The following NR2C2 variants were observed in gnomAD, a reference collection of about 807,000 sequenced individuals.
The protein encoded by NR2C2 is nuclear receptor subfamily 2 group C member 2, also known as Nuclear hormone receptor TR4.
NR2C2 carries 6 observed loss-of-function variants against 62.9 expected under a neutral mutation model. The observed-to-expected ratio is 0.10, with a 90% confidence interval of 0.05 to 0.19. NR2C2 has a LOEUF of 0.19. Ranked by LOEUF, NR2C2 falls within the 10% of genes least tolerant of loss-of-function variation. NR2C2 has a pLI of 1.00. For missense variants in NR2C2, 479 were observed against 762.7 expected, an observed-to-expected ratio of 0.63 and a Z score of 4.38; for synonymous variants, 272 against 273.8, an observed-to-expected ratio of 0.99 and a Z score of 0.07.
intron 11 of NR2C2, among the ~76,000 whole-genome samples, chr3:15,036,084 G>A (rs2042095675): frequency 6.6e-6 from 1 of 152,068 alleles, no homozygotes; most frequent in Admixed American, 6.6e-5. Context: ...CAGCTACTCG[G>A]GAGGCTGAGG....
chr3:15,040,166 CAAA>C (rs71268412), intron 13 of NR2C2, among the ~76,000 whole-genome samples: 1 of 138,714 alleles, frequency 7.2e-6, no homozygotes, highest in Non-Finnish European at 1.6e-5. Flanking sequence ...TCTCAAAAAA[CAAA>C]AAAAAAAACA....
chr3:15,019,498 G>A (rs1196939335), intron 4 of NR2C2, among the ~76,000 whole-genome samples: 2 of 152,182 alleles, frequency 1.3e-5, no homozygotes, highest in East Asian at 3.8e-4. Context: ...ATTTACAATG[G>A]CCAAGATGTG....
chr3:14,971,912 G>A (rs1226313425), intron 1 of NR2C2, among the ~76,000 whole-genome samples: 2 of 150,236 alleles, frequency 1.3e-5, no homozygotes, highest in Non-Finnish European at 3.0e-5. Flanking sequence ...AGGTTCAAGC[G>A]ATTCTCCTGC....
intron 7 of NR2C2, among the ~76,000 whole-genome samples, chr3:15,025,354 G>T (rs1379401800): frequency 6.6e-6 from 1 of 152,164 alleles, no homozygotes; most frequent in South Asian, 2.1e-4. Context: ...CTTCTTTCCT[G>T]CACTTGTAAA....
intron 2 of NR2C2, chr3:15,004,515 T>A (rs773958317): frequency 1.8e-5 from 29 of 1,572,622 alleles, no homozygotes; most frequent in Non-Finnish European, 2.3e-5. Flanking sequence ...AATATTGTTA[T>A]TAACTAATCG....
chr3:15,036,439 A>G (rs2042105618), intron 11 of NR2C2, among the ~76,000 whole-genome samples: 1 of 151,924 alleles, frequency 6.6e-6, no homozygotes, highest in Non-Finnish European at 1.5e-5. Context: ...CCAGGATTCG[A>G]AGTAACACTG....
Position 15,043,055 on chromosome 3 carries a change from G to C in NR2C2, c.*47G>C. 1 of 1,523,436 alleles carries C rather than the reference G, an allele frequency of 6.6e-7. No individual in the cohort carries two copies. Among genetic ancestry groups the C allele is most frequent in the Non-Finnish European group, 8.9e-7 (1 of 1,128,978 alleles). The allele number at this position is 1,523,436 out of a possible 1,614,324, so 94.4% of individuals were successfully genotyped here. A position where few individuals can be genotyped will look rare whatever the true frequency, so the allele number is the denominator to read the frequency against. On this transcript the variant is annotated 3_prime_UTR_variant, in exon 14 of 14. Transcript: ENST00000425241. ...GGAGCAACAGAATCCTTCCAGGACC[G>C]TTCACATACAAAGAAAAGTAGTGGT... is the stretch of plus-strand genomic sequence containing the variant.
At chr3:14,990,296 AG>A (rs2040633302) in intron 1 of NR2C2, among the ~76,000 whole-genome samples, 1 of 152,142 alleles carries the variant, frequency 6.6e-6, no homozygotes, top group Admixed American at 6.5e-5. Flanking sequence ...TTAAGGGGAA[AG>A]GGGTGGAGGG....
At chr3:14,951,506 T>C (rs976874113) in intron 1 of NR2C2, among the ~76,000 whole-genome samples, 7 of 152,208 alleles carry the variant, frequency 4.6e-5, no homozygotes, top group Admixed American at 2.0e-4. Context: ...GGTTTTTTTT[T>C]CTGTCTTGCT....
intron 1 of NR2C2, among the ~76,000 whole-genome samples, chr3:14,980,440 G>A (rs914776389): frequency 1.3e-5 from 2 of 152,112 alleles, no homozygotes; most frequent in African/African-American, 4.8e-5. Context: ...TAGGATTATA[G>A]GTGTGAGCTG....
chr3:14,971,110 A>G (rs912549628), intron 1 of NR2C2, among the ~76,000 whole-genome samples: 1 of 152,154 alleles, frequency 6.6e-6, no homozygotes, highest in African/African-American at 2.4e-5. Context: ...AGTGTATTAA[A>G]TGCATTTTTT....
chr3:14,966,350 A>T (rs2125269037), intron 1 of NR2C2, among the ~76,000 whole-genome samples: 1 of 152,352 alleles, frequency 6.6e-6, no homozygotes, highest in East Asian at 1.9e-4. Flanking sequence ...TCTTGGTAGA[A>T]AGAGACTCTA....
intron 2 of NR2C2, among the ~76,000 whole-genome samples, chr3:15,007,083 C>G (rs2041196776): frequency 6.8e-6 from 1 of 147,888 alleles, no homozygotes; most frequent in African/African-American, 2.5e-5. Context: ...CAGCCCAAAT[C>G]TCATCTTAAA....
chr3:14,979,894 G>T (rs1457742851), intron 1 of NR2C2, among the ~76,000 whole-genome samples: 1 of 152,006 alleles, frequency 6.6e-6, no homozygotes, highest in African/African-American at 2.4e-5. Context: ...GCAAGAGAAT[G>T]ACCTATCTTT....
chr3:14,954,563 C>T (rs1483281194), intron 1 of NR2C2, among the ~76,000 whole-genome samples: 1 of 152,144 alleles, frequency 6.6e-6, no homozygotes, highest in Admixed American at 6.5e-5. Context: ...AATGGATTCA[C>T]TTCTCATGGT....
At chr3:15,017,475 C>A (rs2041543030) in intron 4 of NR2C2, among the ~76,000 whole-genome samples, 1 of 152,222 alleles carries the variant, frequency 6.6e-6, no homozygotes, top group Non-Finnish European at 1.5e-5. Context: ...CTCTGTATTC[C>A]TGTCTTCTTG....
intron 1 of NR2C2, among the ~76,000 whole-genome samples, chr3:14,966,490 G>A (rs1411168269): frequency 1.4e-4 from 22 of 152,222 alleles, no homozygotes; most frequent in Non-Finnish European, 2.5e-4. Flanking sequence ...TGGAGGCTGA[G>A]GTTGGAGGAT....
chr3:15,013,399 T>G (rs562975374), intron 2 of NR2C2, among the ~76,000 whole-genome samples, 190 bp from the exon 3 acceptor site: 1 of 152,372 alleles, frequency 6.6e-6, no homozygotes, highest in African/African-American at 2.4e-5. Flanking sequence ...ATTAGCTTTA[T>G]GAAAATTTGT....
intron 1 of NR2C2, among the ~76,000 whole-genome samples, chr3:14,963,458 C>A (rs2039746401): frequency 6.6e-6 from 1 of 151,954 alleles, no homozygotes; most frequent in African/African-American, 2.4e-5. Context: ...GGTTGAGATT[C>A]GCATTTTTTA....
Sources: allele counts gnomAD v4.1 joint callset (sites outside exome capture counted in the v4.1 genomes callset), GRCh38; gene constraint gnomAD v4.1.1; transcripts MANE v1.5; gene names NCBI Gene and HGNC (gene_info 2026-07-23, HGNC 2026-07-21).